RIC1: variants seen among roughly 807,000 people sequenced by gnomAD.
RIC1 encodes guanine nucleotide exchange factor subunit RIC1.
Under a neutral mutation model 169.0 loss-of-function variants are expected in RIC1, and 88 were observed. The observed-to-expected ratio is 0.52, with a 90% CI of 0.44 to 0.62. The LOEUF is 0.62. Ranked by LOEUF, RIC1 falls within the 20% of genes least tolerant of loss-of-function variation. RIC1 has a pLI of 0.00. For synonymous variants in RIC1, 790 were observed against 601.5 expected, an observed-to-expected ratio of 1.31 and a Z score of -4.59; for missense variants, 1,877 against 1,725.5, an observed-to-expected ratio of 1.09 and a Z score of -1.56.
At position 5,738,524 on chromosome 9, in the gene RIC1, C is replaced by A; in HGVS notation, c.887C>A (p.Ala296Glu). 6.7e-7 allele frequency: 1 copy of A among 1,487,834 alleles called. No individual in the cohort carries two copies. The highest frequency in any genetic ancestry group is 9.2e-7 in the Non-Finnish European group (1 of 1,082,086). 92.2% of individuals were successfully genotyped at this position (1,487,834 alleles called of 1,614,324 possible). The change falls in exon 8 of 26, where the codon GCA (alanine) becomes GAA (glutamate). Residue 296 changes from alanine to glutamate, a missense_variant. Coordinates refer to ENST00000414202, the MANE Select transcript of RIC1 (RefSeq NM_020829.4). ...MLLSHKLELT[A>E]KQYPDIWNKT... is the part of the protein sequence containing the mutation. The stretch of plus-strand genomic sequence containing the variant: ...CTATCTCATAAATTAGAGCTAACAG[C>A]AAAACAGTATCCTGGTGAGTCTTTT...
chr9:5,670,208 A>G (rs1171532262), intron 2 of RIC1, among the ~76,000 whole-genome samples: 1 of 152,142 alleles, frequency 6.6e-6, no homozygotes, highest in Non-Finnish European at 1.5e-5. Context: ...TTGGCTGTGG[A>G]GTTGAGGCAT....
chr9:5,675,974 T>A (rs1056583678), intron 2 of RIC1, among the ~76,000 whole-genome samples: 1 of 152,234 alleles, frequency 6.6e-6, no homozygotes, highest in Non-Finnish European at 1.5e-5. Flanking sequence ...AACCCCCATC[T>A]TGCCTTTAAC....
chr9:5,763,449 A>G lies in RIC1; in HGVS notation c.2422A>G (p.Arg808Gly), dbSNP rs1450776328. The G allele has an allele frequency of 6.2e-7, 1 of 1,614,206 alleles. No homozygotes were observed. The highest frequency in any genetic ancestry group is 2.2e-5 in the East Asian group (1 of 44,886). The change falls in exon 19 of 26, where the codon AGA becomes GGA. Residue 808 changes from arginine (R) to glycine (G), a missense_variant. Transcript: ENST00000414202. The surrounding 1 kb of genome is among the most constrained non-coding windows in gnomAD (Gnocchi z 5.2). ...YDSLYTRNNA[R>G]EQLEVLFPFC... Reference sequence around the variant, plus strand: ...TTCTTTATATACTCGGAACAATGCTAGAGAACAGCTGGAGGTGCTCTTCCC... The same window carrying G: ...TTCTTTATATACTCGGAACAATGCTGGAGAACAGCTGGAGGTGCTCTTCCC...
At chr9:5,649,278 C>G (rs1264118936) in intron 1 of RIC1, among the ~76,000 whole-genome samples, 1 of 152,160 alleles carries the variant, frequency 6.6e-6, no homozygotes, top group Non-Finnish European at 1.5e-5. Context: ...TCCTGAATGT[C>G]CATTGGTTCT....
At chr9:5,768,401 C>G (rs1826948835) in intron 21 of RIC1, among the ~76,000 whole-genome samples, 1 of 152,100 alleles carries the variant, frequency 6.6e-6, no homozygotes, top group Non-Finnish European at 1.5e-5. Context: ...GTGGCAAGTA[C>G]CTGTAGTCCC....
chr9:5,673,562 A>ATATATATATAT (rs1554663258), intron 2 of RIC1, among the ~76,000 whole-genome samples: 4 of 145,922 alleles, frequency 2.7e-5, no homozygotes, highest in East Asian at 2.0e-4. Context: ...ATATATAAAT[A>ATATATATATAT]AATGTTGATT....
At chr9:5,685,987 A>C (rs1169464222) in intron 2 of RIC1, among the ~76,000 whole-genome samples, 1 of 152,156 alleles carries the variant, frequency 6.6e-6, no homozygotes, top group African/African-American at 2.4e-5. Flanking sequence ...GACACTTCTG[A>C]AAAGAAGACA....
Position 5,754,935 on chromosome 9 carries a change from G to GT in RIC1, c.1692+11dup, listed in dbSNP as rs770686754. The GT allele has an allele frequency of 1.3e-6, 2 of 1,496,104 alleles. No homozygotes were observed. Among genetic ancestry groups the GT allele is most frequent in the Admixed American group, 1.8e-5 (1 of 56,288 alleles). The allele number at this position is 1,496,104 out of a possible 1,614,324, so 92.7% of individuals were successfully genotyped here. On this transcript the variant is annotated splice_donor_region_variant and intron_variant, in intron 15 of 25. Transcript: ENST00000414202. Reference sequence around the variant, plus strand: ...ATAAATGACCGTCAAGAAGAGGTAAGTTTTTTCTCTCAGAAATAACAGATT... The same window carrying GT: ...ATAAATGACCGTCAAGAAGAGGTAAGTTTTTTTCTCTCAGAAATAACAGATT...
intron 3 of RIC1, among the ~76,000 whole-genome samples, chr9:5,701,966 T>A (rs577930718): frequency 6.6e-6 from 1 of 152,300 alleles, no homozygotes; most frequent in South Asian, 2.1e-4. Flanking sequence ...TTGCCTGGAA[T>A]AGCTAAGACT....
At chr9:5,755,668 A>T (rs1586696966) in intron 15 of RIC1, among the ~76,000 whole-genome samples, 1 of 152,206 alleles carries the variant, frequency 6.6e-6, no homozygotes, top group African/African-American at 2.4e-5. Context: ...CATGCCTGTA[A>T]TCCAAGCACT....
At chr9:5,651,738 A>AT (rs143169988) in intron 1 of RIC1, among the ~76,000 whole-genome samples, 3,681 of 148,946 alleles carry the variant, frequency 0.025, 169 homozygotes, top group African/African-American at 0.083. Flanking sequence ...TAATTTTTGT[A>AT]TTTTTTTTTA....
intron 1 of RIC1, 59 bp downstream of exon 1, chr9:5,629,512 C>G: frequency 2.0e-6 from 3 of 1,486,974 alleles, no homozygotes; most frequent in Non-Finnish European, 2.7e-6. Flanking sequence ...GGCGCCGTCC[C>G]ACCCCCAACT....
chr9:5,767,478 TC>T (rs1003305874), intron 21 of RIC1, among the ~76,000 whole-genome samples: 2 of 18,174 alleles, frequency 1.1e-4, no homozygotes, highest in Non-Finnish European at 2.0e-4. Context: ...GTTCATATTC[TC>T]TTTTTTTTTT....
At chr9:5,715,730 T>C (rs1823194614) in intron 4 of RIC1, among the ~76,000 whole-genome samples, 1 of 152,182 alleles carries the variant, frequency 6.6e-6, no homozygotes, top group Non-Finnish European at 1.5e-5. Context: ...CTTTTGTTAT[T>C]AATTGAGGAT....
intron 12 of RIC1, among the ~76,000 whole-genome samples, chr9:5,751,390 CTG>C (rs1347894631): frequency 6.6e-6 from 1 of 151,832 alleles, no homozygotes; most frequent in Non-Finnish European, 1.5e-5. Flanking sequence ...GAGTCTCACT[CTG>C]TTGCCCAGGC....
At chr9:5,630,382 T>G (rs995447300) in intron 1 of RIC1, among the ~76,000 whole-genome samples, 1 of 152,238 alleles carries the variant, frequency 6.6e-6, no homozygotes, top group Admixed American at 6.5e-5. Flanking sequence ...AGTGAAGTTT[T>G]TCTCCTTTCC....
intron 2 of RIC1, among the ~76,000 whole-genome samples, chr9:5,662,945 T>G (rs928262771): frequency 6.6e-6 from 1 of 152,246 alleles, no homozygotes; most frequent in African/African-American, 2.4e-5. Flanking sequence ...TTGAGATCTT[T>G]GTAGCTTTTT....
At chr9:5,672,826 T>A (rs1473179746) in intron 2 of RIC1, among the ~76,000 whole-genome samples, 1 of 152,062 alleles carries the variant, frequency 6.6e-6, no homozygotes, top group Non-Finnish European at 1.5e-5. Context: ...GAAAAATCAT[T>A]CAGAGAAAAG....
At chr9:5,733,020 T>C (rs1199607140) in intron 7 of RIC1, among the ~76,000 whole-genome samples, 1 of 152,128 alleles carries the variant, frequency 6.6e-6, no homozygotes, top group East Asian at 1.9e-4. Context: ...CTTGATACAT[T>C]AGAAAACAAA....
Sources: allele counts gnomAD v4.1 joint callset (sites outside exome capture counted in the v4.1 genomes callset), GRCh38; gene constraint gnomAD v4.1.1; non-coding constraint Gnocchi (gnomAD v3.1); transcripts MANE v1.5; gene names NCBI Gene and HGNC (gene_info 2026-07-23, HGNC 2026-07-21).